The following VDAC2 variants were observed in gnomAD, a reference collection of about 807,000 sequenced individuals.
VDAC2 encodes non-selective voltage-gated ion channel VDAC2.
A neutral mutation model predicts 36.6 loss-of-function variants in VDAC2; 6 were observed. The observed-to-expected ratio is 0.16, with a 90% CI of 0.09 to 0.32. The LOEUF is 0.32. Among genes scored for constraint, VDAC2 ranks in the 10% least tolerant of loss-of-function variants. The pLI is 1.00. For missense variants in VDAC2, 247 were observed against 346.0 expected (o/e 0.71, Z 2.27); for synonymous variants, 109 against 123.8 (o/e 0.88, Z 0.79).
chr10:75,211,244 G>C (rs899527471), intron 2 of VDAC2, 55 bp downstream of exon 2: 1 of 1,596,256 alleles, frequency 6.3e-7, no homozygotes. Context: ...GAAGCCTGTC[G>C]ACCAGAAACC....
At chr10:75,224,785 T>G (rs1267079530) in intron 8 of VDAC2, among the ~76,000 whole-genome samples, 1 of 152,176 alleles carries the variant, frequency 6.6e-6, no homozygotes, top group East Asian at 1.9e-4. Flanking sequence ...AAAGTACCCC[T>G]AAGACCTGTA....
intron 8 of VDAC2, among the ~76,000 whole-genome samples, chr10:75,227,307 C>G (rs899822274): frequency 6.6e-6 from 1 of 152,104 alleles, no homozygotes. Flanking sequence ...GGCAAAAGAA[C>G]CTGGAGCTTT....
chr10:75,220,785 T>C lies in VDAC2; in HGVS notation c.399T>C (p.Cys133=). Residue 133 remains cysteine (C), a synonymous_variant, in exon 7 of 10, where the codon TGT becomes TGC. Transcript: ENST00000332211. ...TCAAGTCTTCTTACAAGAGGGAGTGTATAAACCTTGGTTGTGATGTTGACT... is the reference window on the plus strand; with the variant it reads ...TCAAGTCTTCTTACAAGAGGGAGTGCATAAACCTTGGTTGTGATGTTGACT... ...GKIKSSYKRE[C]INLGCDVDFD... is the part of the protein sequence containing the mutation. The C allele has an allele frequency of 6.2e-7, 1 of 1,612,872 alleles. No individual in the cohort carries two copies. The highest frequency in any genetic ancestry group is 1.7e-5 in the Admixed American group (1 of 59,904).
At chr10:75,219,471 A>G (rs1841733612) in intron 6 of VDAC2, 115 bp downstream of exon 6, 2 of 820,210 alleles carry the variant, frequency 2.4e-6, no homozygotes, top group Admixed American at 5.8e-5. Flanking sequence ...TGGTGGTGAA[A>G]TCTCTGTATC....
Position 75,211,206 on chromosome 10 carries a change from T to G in VDAC2, c.31+17T>G, listed in dbSNP as rs757880598. ...GCGCGCGTCGTAAGTAAAGCTGGGA[T>G]CTCTGCGGGATGGGGCGGCGGAGAG... On this transcript the variant is annotated intron_variant, in intron 2 of 9. Transcript: ENST00000332211. The G allele has an allele frequency of 1.6e-5, 25 of 1,612,052 alleles. No homozygotes were observed. Among genetic ancestry groups the G allele is most frequent in the Non-Finnish European group, 2.0e-5 (23 of 1,179,226 alleles).
intron 2 of VDAC2, chr10:75,211,753 C>T: frequency 6.9e-7 from 1 of 1,439,884 alleles, no homozygotes; most frequent in Non-Finnish European, 9.5e-7. Context: ...TATTTAAATT[C>T]CCAGTATTAA....
chr10:75,212,166 C>G (rs978025597), intron 2 of VDAC2, 64 bp from the exon 3 acceptor site: 6 of 1,451,170 alleles, frequency 4.1e-6, no homozygotes, highest in Middle Eastern at 1.8e-4. Flanking sequence ...GGGTCATGCT[C>G]TTGTTCTTGG....
intron 4 of VDAC2, among the ~76,000 whole-genome samples, chr10:75,217,459 C>T (rs995539707): frequency 6.6e-6 from 1 of 152,154 alleles, no homozygotes; most frequent in African/African-American, 2.4e-5. Flanking sequence ...CTCACTGCAA[C>T]CTCAGGTTCT....
chr10:75,211,185 G>T lies in VDAC2; in HGVS notation c.27G>T (p.Ala9=). MATHGQTC[A]RPMCIPPSYA... is the part of the protein sequence containing the mutation. ...TGGCGACCCACGGACAGACTTGCGC[G>T]CGTCGTAAGTAAAGCTGGGATCTCT... is the stretch of plus-strand genomic sequence containing the variant. Residue 9 remains alanine, a synonymous_variant, in exon 2 of 10, where the codon GCG becomes GCT. Coordinates refer to ENST00000332211, the MANE Select transcript of VDAC2 (RefSeq NM_001391963.1). 1 of 1,613,220 alleles carries T rather than the reference G, an allele frequency of 6.2e-7. No individual in the cohort carries two copies.
chr10:75,223,167 A>T (rs1432205472), intron 8 of VDAC2, among the ~76,000 whole-genome samples: 1 of 151,714 alleles, frequency 6.6e-6, no homozygotes, highest in East Asian at 1.9e-4. Flanking sequence ...ATTTTTTAGT[A>T]AAGATGGGAT....
intron 8 of VDAC2, among the ~76,000 whole-genome samples, chr10:75,224,867 C>A (rs1467292079): frequency 1.3e-5 from 2 of 152,094 alleles, no homozygotes. Context: ...GAAATGTGAT[C>A]TGAAATTGCC....
chr10:75,219,286 ACTTTT>A lies in VDAC2; in HGVS notation c.304-13_304-9del. On this transcript the variant is annotated splice_polypyrimidine_tract_variant and intron_variant, in intron 5 of 9. Coordinates refer to ENST00000332211, the MANE Select transcript of VDAC2 (RefSeq NM_001391963.1). ...GTATTTCAAAAAAAGAAAACAAATT[ACTTTT>A]CTTTCAAAATAGATTTGTCAAGGTT... 2 of 1,579,120 alleles carry A rather than the reference ACTTTT, an allele frequency of 1.3e-6. No individual in the cohort carries two copies. The highest frequency in any genetic ancestry group is 1.7e-6 in the Non-Finnish European group (2 of 1,165,566).
At chr10:75,214,671 C>T (rs1474836840) in intron 4 of VDAC2, among the ~76,000 whole-genome samples, 2 of 152,086 alleles carry the variant, frequency 1.3e-5, no homozygotes, top group Non-Finnish European at 2.9e-5. Flanking sequence ...ATTACAGGTG[C>T]CTGCCACCAC....
intron 8 of VDAC2, among the ~76,000 whole-genome samples, chr10:75,228,991 G>C (rs776110181): frequency 6.6e-6 from 1 of 152,168 alleles, no homozygotes; most frequent in Non-Finnish European, 1.5e-5. Context: ...ATTGTGCAAG[G>C]AAGGCAGGGG....
chr10:75,211,434 T>C, intron 2 of VDAC2: 1 of 1,477,034 alleles, frequency 6.8e-7, no homozygotes, highest in Non-Finnish European at 9.0e-7. Flanking sequence ...TACATGTCTT[T>C]GACGTATAGA....
chr10:75,219,969 AG>A (rs1841759279), intron 6 of VDAC2, among the ~76,000 whole-genome samples: 1 of 150,968 alleles, frequency 6.6e-6, no homozygotes, highest in African/African-American at 2.4e-5. Flanking sequence ...CTGGGATCAC[AG>A]GCATGTGCCA....
At chr10:75,229,780 C>G in intron 9 of VDAC2, 79 bp downstream of exon 9, 3 of 1,144,508 alleles carry the variant, frequency 2.6e-6, no homozygotes, top group Admixed American at 2.4e-5. Context: ...ACTTTTCAGA[C>G]CTTTCAAGCA....
intron 2 of VDAC2, chr10:75,211,558 G>T: frequency 6.4e-7 from 1 of 1,550,610 alleles, no homozygotes; most frequent in South Asian, 1.2e-5. Flanking sequence ...GTGCTCCTAA[G>T]GGCGTGGACG....
At chr10:75,215,846 C>G (rs1166535329) in intron 4 of VDAC2, among the ~76,000 whole-genome samples, 1 of 152,112 alleles carries the variant, frequency 6.6e-6, no homozygotes, top group Non-Finnish European at 1.5e-5. Flanking sequence ...CTCAGCCTCC[C>G]AAGTAGCTGG....
Sources: allele counts gnomAD v4.1 joint callset (sites outside exome capture counted in the v4.1 genomes callset), GRCh38; gene constraint gnomAD v4.1.1; transcripts MANE v1.5; gene names NCBI Gene and HGNC (gene_info 2026-07-23, HGNC 2026-07-21).